NEO1: variants seen among roughly 807,000 people sequenced by gnomAD.
NEO1 encodes neogenin.
In NEO1, 63 loss-of-function variants were observed where a neutral mutation model predicts 159.7. The observed-to-expected ratio is 0.39, with a 90% CI of 0.32 to 0.49. NEO1 has a LOEUF of 0.49. Ranked by LOEUF, NEO1 falls within the 20% of genes least tolerant of loss-of-function variation. NEO1 has a pLI of 0.85. For missense variants in NEO1, 1,615 were observed against 1,831.0 expected, an observed-to-expected ratio of 0.88 and a Z score of 2.15; for synonymous variants, 633 against 662.0, an observed-to-expected ratio of 0.96 and a Z score of 0.67.
chr15:73,125,109 C>A (rs1393609682), intron 3 of NEO1, among the ~76,000 whole-genome samples: 5 of 152,168 alleles, frequency 3.3e-5, no homozygotes, highest in Non-Finnish European at 7.3e-5. Flanking sequence ...AAGGTGAGAT[C>A]ACTACTCAAC....
In NEO1 at chr15:73,289,164, G is replaced by A; in HGVS notation, c.3668G>A (p.Ser1223Asn). Reference protein sequence around the residue: ...NSYRGHESEDSMSTLAGRRGM... With the variant: ...NSYRGHESEDNMSTLAGRRGM... ...CATCTAGGGCATGAGTCAGAGGACA[G>A]CATGTCTACACTGGCTGGAAGGCGA... Residue 1223 changes from serine to asparagine, a missense_variant, in exon 25 of 29, where the codon AGC becomes AAC. By Grantham distance (46) the Ser-to-Asn change is conservative (BLOSUM62 1). Coordinates refer to ENST00000261908, the MANE Select transcript of NEO1 (RefSeq NM_002499.4). 2 of 1,614,054 alleles carry A rather than the reference G, an allele frequency of 1.2e-6. No homozygotes were observed. The highest frequency in any genetic ancestry group is 1.7e-6 in the Non-Finnish European group (2 of 1,179,964).
At chr15:73,066,363 C>T (rs1376259807) in intron 1 of NEO1, among the ~76,000 whole-genome samples, 3 of 138,494 alleles carry the variant, frequency 2.2e-5, no homozygotes, top group South Asian at 2.4e-4. Context: ...CAGGTCTCTG[C>T]TGAAGTTCTC....
At chr15:73,209,021 A>G (rs961434230) in intron 7 of NEO1, among the ~76,000 whole-genome samples, 1 of 152,218 alleles carries the variant, frequency 6.6e-6, no homozygotes, top group Non-Finnish European at 1.5e-5. Flanking sequence ...TATAAACTAG[A>G]TTGTGACAGG....
chr15:73,127,804 C>T (rs1347314254), intron 4 of NEO1, among the ~76,000 whole-genome samples: 2 of 152,186 alleles, frequency 1.3e-5, no homozygotes, highest in African/African-American at 4.8e-5. Context: ...AACATTTTAA[C>T]ACAGCTTTAG....
chr15:73,251,928 T>C (rs750530642), intron 11 of NEO1, among the ~76,000 whole-genome samples: 2 of 152,250 alleles, frequency 1.3e-5, no homozygotes, highest in Non-Finnish European at 2.9e-5. Flanking sequence ...GTAATGACCA[T>C]GCAGCAAATC....
At position 73,220,825 on chromosome 15, in the gene NEO1, G is replaced by T. The variant is rs542632050; in HGVS notation, c.1292-15522G>T. ...TATTGGTTATTATAGTTATACATTC[G>T]TCTAAATTTTTTTCAAAGTTTTCAA... On this transcript the variant is annotated intron_variant, in intron 7 of 28. Transcript: ENST00000261908. 2.8e-4 allele frequency among the ~76,000 whole-genome samples: 42 copies of T among 152,112 alleles called. 1 individual carries two copies. Among genetic ancestry groups the T allele is most frequent in the East Asian group, 7.7e-4 (4 of 5,166 alleles).
chr15:73,281,650 AC>A (rs1276119972), intron 22 of NEO1, among the ~76,000 whole-genome samples: 1 of 152,160 alleles, frequency 6.6e-6, no homozygotes, highest in Non-Finnish European at 1.5e-5. Context: ...CCTCTTAAGT[AC>A]TTCCAATAAC....
intron 1 of NEO1, among the ~76,000 whole-genome samples, chr15:73,086,980 TCA>T (rs1243364912): frequency 6.6e-6 from 1 of 152,186 alleles, no homozygotes; most frequent in Non-Finnish European, 1.5e-5. Flanking sequence ...TTGTTCCTTT[TCA>T]TTTGTATGTC....
At chr15:73,267,685 A>C (rs2040975658) in intron 16 of NEO1, among the ~76,000 whole-genome samples, 1 of 151,976 alleles carries the variant, frequency 6.6e-6, no homozygotes, top group African/African-American at 2.4e-5. Flanking sequence ...GATGGTTTCC[A>C]GCTTCATCCA....
chr15:73,244,881 A>C (rs2039674910), intron 9 of NEO1, among the ~76,000 whole-genome samples: 1 of 137,100 alleles, frequency 7.3e-6, no homozygotes, highest in Non-Finnish European at 1.5e-5. Context: ...CCTGAACCCA[A>C]GAGGTGGAGG....
At chr15:73,164,250 C>T (rs2034414329) in intron 5 of NEO1, among the ~76,000 whole-genome samples, 1 of 146,148 alleles carries the variant, frequency 6.8e-6, no homozygotes, top group East Asian at 2.0e-4. Context: ...TGTTGTGTCA[C>T]CCAGGTTGGA....
chr15:73,237,628 G>GAA (rs1322598018), intron 8 of NEO1, among the ~76,000 whole-genome samples: 1 of 152,156 alleles, frequency 6.6e-6, no homozygotes, highest in East Asian at 1.9e-4. Flanking sequence ...ATACTCTCAA[G>GAA]AAGTCTAAGT....
At chr15:73,266,737 G>C (rs1474598146) in intron 16 of NEO1, among the ~76,000 whole-genome samples, 2 of 152,152 alleles carry the variant, frequency 1.3e-5, no homozygotes, top group African/African-American at 4.8e-5. Flanking sequence ...AAACTAAAGT[G>C]AGTCAAAAAC....
At chr15:73,080,428 T>C (rs1421469081) in intron 1 of NEO1, among the ~76,000 whole-genome samples, 1 of 152,216 alleles carries the variant, frequency 6.6e-6, no homozygotes, top group African/African-American at 2.4e-5. Flanking sequence ...CTCACTTGCA[T>C]AGACCTCTTC....
chr15:73,174,455 A>G (rs1453767472), intron 5 of NEO1, among the ~76,000 whole-genome samples: 2 of 152,150 alleles, frequency 1.3e-5, no homozygotes, highest in Non-Finnish European at 1.5e-5. Context: ...ACCCTATCCA[A>G]TGGGATGCAG....
rs1451908407 is a variant in NEO1, at chr15:73,298,327, A to G, written c.3902-21A>G. On this transcript the variant is annotated intron_variant, in intron 26 of 28. Coordinates refer to ENST00000261908, the MANE Select transcript of NEO1 (RefSeq NM_002499.4). ...ATTTAATGGCAAAAGAAATGCTAAC[A>G]TTTAGACTTTCCTGCTGTAGAATCC... The G allele has an allele frequency of 2.5e-6, 4 of 1,612,644 alleles. No individual in the cohort carries two copies. In the South Asian group the frequency reaches 4.4e-5, roughly 18 times the overall value.
chr15:73,077,262 T>A (rs2068816388), intron 1 of NEO1, among the ~76,000 whole-genome samples: 1 of 152,206 alleles, frequency 6.6e-6, no homozygotes, highest in African/African-American at 2.4e-5. Context: ...CAGGCTGGTC[T>A]TGAACTCCTG....
intron 21 of NEO1, 148 bp downstream of exon 21, chr15:73,274,872 G>T (rs1596555997): frequency 1.4e-6 from 1 of 737,546 alleles, no homozygotes; most frequent in East Asian, 2.6e-5. Flanking sequence ...GTAGAGTTGA[G>T]TCCATGTTCT....
At chr15:73,274,558 T>C in intron 20 of NEO1, 134 bp from the exon 21 acceptor site, 1 of 820,700 alleles carries the variant, frequency 1.2e-6, no homozygotes, top group Non-Finnish European at 2.0e-6. Context: ...CTGTTAGTAC[T>C]AAAGTCAAGT....
Sources: allele counts gnomAD v4.1 joint callset (sites outside exome capture counted in the v4.1 genomes callset), GRCh38; gene constraint gnomAD v4.1.1; transcripts MANE v1.5; gene names NCBI Gene and HGNC (gene_info 2026-07-23, HGNC 2026-07-21).